The following FAM162A variants were observed in gnomAD, a reference collection of about 807,000 sequenced individuals.
The protein encoded by FAM162A is protein FAM162A.
Under a neutral mutation model 21.8 loss-of-function variants are expected in FAM162A, and 23 were observed. The ratio of observed to expected loss-of-function variants is 1.05; its 90% confidence interval spans 0.76 to 1.49. The LOEUF is 1.49. FAM162A is among the 40% of genes most tolerant of loss of function. FAM162A has a pLI of 0.00. For synonymous variants in FAM162A, 53 were observed against 61.3 expected, an observed-to-expected ratio of 0.86 and a Z score of 0.64; for missense variants, 165 against 186.4, an observed-to-expected ratio of 0.89 and a Z score of 0.67.
chr3:122,401,424 G>A (rs1320417268), intron 1 of FAM162A: 3 of 1,092,992 alleles, frequency 2.7e-6, no homozygotes, highest in African/African-American at 3.4e-5. Context: ...GATTTTATGG[G>A]TGACAGGGAG....
chr3:122,395,855 C>G (rs1400850430), intron 1 of FAM162A, among the ~76,000 whole-genome samples: 2 of 152,112 alleles, frequency 1.3e-5, no homozygotes, highest in Non-Finnish European at 2.9e-5. Context: ...ACATTTAGAT[C>G]GGTGGAATAG....
At position 122,410,185 on chromosome 3, in the gene FAM162A, C is replaced by T; in HGVS notation, c.*354C>T. 1 of 351,206 alleles carries T rather than the reference C, an allele frequency of 2.8e-6. No homozygotes were observed. Among genetic ancestry groups the T allele is most frequent in the Non-Finnish European group, 5.5e-6 (1 of 181,592 alleles). 21.8% of individuals were successfully genotyped at this position (351,206 alleles called of 1,614,324 possible). A position where few individuals can be genotyped will look rare whatever the true frequency, so the allele number is the denominator to read the frequency against. On this transcript the variant is annotated 3_prime_UTR_variant, in exon 5 of 5. Transcript: ENST00000477892. ...CTCATTTTGAGGAGATAAGGAAGGCCAGTTGAGTATATGGCCCAGGTGCAG... is the reference window on the plus strand; with the variant it reads ...CTCATTTTGAGGAGATAAGGAAGGCTAGTTGAGTATATGGCCCAGGTGCAG...
At chr3:122,389,238 T>C (rs1559998711) in intron 1 of FAM162A, among the ~76,000 whole-genome samples, 1 of 152,192 alleles carries the variant, frequency 6.6e-6, no homozygotes, top group Non-Finnish European at 1.5e-5. Flanking sequence ...ATTTTATTAA[T>C]AGTACCTGTT....
At chr3:122,386,355 C>G (rs955633620) in intron 1 of FAM162A, among the ~76,000 whole-genome samples, 1 of 151,968 alleles carries the variant, frequency 6.6e-6, no homozygotes, top group Non-Finnish European at 1.5e-5. Flanking sequence ...TTGAGACCAG[C>G]CTGGCTAACT....
intron 1 of FAM162A, among the ~76,000 whole-genome samples, chr3:122,384,557 C>G (rs1335472557): frequency 6.6e-6 from 1 of 152,094 alleles, no homozygotes; most frequent in African/African-American, 2.4e-5. Context: ...ACGCGCCTAC[C>G]CTTCTCCCCA....
At chr3:122,398,411 C>T (rs1576250227) in intron 1 of FAM162A, among the ~76,000 whole-genome samples, 2 of 152,152 alleles carry the variant, frequency 1.3e-5, no homozygotes, top group Admixed American at 1.3e-4. Flanking sequence ...TGGCATATGC[C>T]TATTGATGTG....
intron 1 of FAM162A, among the ~76,000 whole-genome samples, chr3:122,396,096 A>C (rs1244020966): frequency 6.6e-6 from 1 of 152,214 alleles, no homozygotes; most frequent in East Asian, 1.9e-4. Flanking sequence ...AATTCTTAGA[A>C]TATAGGAGTA....
Position 122,411,359 on chromosome 3 carries a change from CAT to C in FAM162A, c.*1530_*1531del, listed in dbSNP as rs765153913. On this transcript the variant is annotated 3_prime_UTR_variant, in exon 5 of 5. Transcript: ENST00000477892. ...CACTTGCAAATTTATTTTCAAAAAG[CAT>C]AGTTTCTTGTACATTTTAGAAGATT... The C allele has an allele frequency of 3.3e-5, 5 of 152,252 alleles. No individual in the cohort carries two copies. The highest frequency in any genetic ancestry group is 7.4e-5 in the Non-Finnish European group (5 of 68,000). The allele number at this position is 152,252 out of a possible 1,614,324, so 9.4% of individuals were successfully genotyped here.
intron 1 of FAM162A, among the ~76,000 whole-genome samples, chr3:122,398,724 AAAAAT>A (rs2075640179): frequency 6.6e-6 from 1 of 152,246 alleles, no homozygotes; most frequent in Non-Finnish European, 1.5e-5. Flanking sequence ...AACTGCAAAA[AAAAAT>A]GAGCCTATCA....
chr3:122,407,209 G>A (rs558227966), intron 3 of FAM162A, 72 bp from the exon 4 acceptor site: 128 of 1,235,592 alleles, frequency 1.0e-4, no homozygotes, highest in Admixed American at 6.4e-4. Context: ...TTTATACACA[G>A]CCTTTTATCC....
rs535992258 is a variant in FAM162A, at chr3:122,409,014, G to A, written c.373-725G>A. ...ACCATCAACTTCCCTTTCTCCCCCC[G>A]CTCCCCCACCCCCCGCCACATACCC... On this transcript the variant is annotated intron_variant, in intron 4 of 4. Coordinates refer to ENST00000477892, the MANE Select transcript of FAM162A (RefSeq NM_014367.4). Among the ~76,000 whole-genome samples the A allele has an allele frequency of 1.2e-4, 18 of 147,232 alleles. No individual in the cohort carries two copies. In the South Asian group the frequency reaches 3.3e-3, roughly 27 times the overall value.
chr3:122,403,886 A>G (rs116052070), intron 2 of FAM162A, among the ~76,000 whole-genome samples: 1 of 152,136 alleles, frequency 6.6e-6, no homozygotes, highest in East Asian at 1.9e-4. Context: ...GTCTCCATCC[A>G]TTGTACAGAT....
chr3:122,392,461 T>C (rs547786530), intron 1 of FAM162A, among the ~76,000 whole-genome samples: 2 of 152,320 alleles, frequency 1.3e-5, no homozygotes, highest in South Asian at 2.1e-4. Flanking sequence ...AATTGTACAC[T>C]TAAAATAATT....
At chr3:122,384,483 A>G (rs925818384) in intron 1 of FAM162A, among the ~76,000 whole-genome samples, 184 bp downstream of exon 1, 21 of 152,112 alleles carry the variant, frequency 1.4e-4, no homozygotes, top group Admixed American at 1.2e-3. Flanking sequence ...GCTGATAGGC[A>G]TTGGAGACTG....
chr3:122,401,757 G>A (rs1302759453), intron 1 of FAM162A, among the ~76,000 whole-genome samples: 7 of 152,100 alleles, frequency 4.6e-5, no homozygotes, highest in Non-Finnish European at 5.9e-5. Context: ...TTGGCTGCAC[G>A]TATGTCTTCT....
chr3:122,387,924 G>A lies in FAM162A; in HGVS notation c.34+3625G>A, dbSNP rs114137904. Among the ~76,000 whole-genome samples the A allele has an allele frequency of 4.3e-3, 655 of 152,190 alleles. 5 individuals are homozygous for A. The highest frequency in any genetic ancestry group is 0.015 in the African/African-American group (617 of 41,514). ...ATGAGTTGTGAGCACATGTAGGGGC[G>A]GTAATGAGTCTGAAAAAGGATATGA... On this transcript the variant is annotated intron_variant, in intron 1 of 4. Transcript: ENST00000477892.
At chr3:122,385,573 A>T (rs1210111646) in intron 1 of FAM162A, among the ~76,000 whole-genome samples, 1 of 152,226 alleles carries the variant, frequency 6.6e-6, no homozygotes, top group South Asian at 2.1e-4. Context: ...ACTAATACTG[A>T]GTATATTGTA....
At chr3:122,401,007 TAA>T (rs1188082491) in intron 1 of FAM162A, among the ~76,000 whole-genome samples, 5 of 152,178 alleles carry the variant, frequency 3.3e-5, no homozygotes, top group Non-Finnish European at 5.9e-5. Context: ...CATATATACT[TAA>T]GATATTTCTA....
intron 1 of FAM162A, chr3:122,401,384 A>C: frequency 3.9e-6 from 4 of 1,025,640 alleles, no homozygotes; most frequent in Non-Finnish European, 4.7e-6. Context: ...AGGTTGGTTC[A>C]TGTGATCCTG....
Sources: allele counts gnomAD v4.1 joint callset (sites outside exome capture counted in the v4.1 genomes callset), GRCh38; gene constraint gnomAD v4.1.1; transcripts MANE v1.5; gene names NCBI Gene and HGNC (gene_info 2026-07-23, HGNC 2026-07-21).